MCTP1: variants seen among roughly 807,000 people sequenced by gnomAD.
The protein encoded by MCTP1 is multiple C2 and transmembrane domain-containing protein 1.
Under a neutral mutation model 120.6 loss-of-function variants are expected in MCTP1, and 69 were observed. The observed-to-expected ratio is 0.57, with a 90% confidence interval of 0.47 to 0.70. The LOEUF is 0.70. Ranked by LOEUF, MCTP1 falls within the 30% of genes least tolerant of loss-of-function variation. The pLI, the probability that MCTP1 is intolerant of heterozygous loss-of-function variation, is 0.00. For missense variants in MCTP1, 1,203 were observed against 1,248.8 expected (o/e 0.96, Z 0.55); for synonymous variants, 529 against 493.1 (o/e 1.07, Z -0.96).
At chr5:94,922,056 T>G (rs1002335407) in intron 7 of MCTP1, among the ~76,000 whole-genome samples, 1 of 152,210 alleles carries the variant, frequency 6.6e-6, no homozygotes, top group African/African-American at 2.4e-5. Flanking sequence ...ACTTTCCTCA[T>G]TGGTAAAACA....
At chr5:94,863,199 A>C (rs1229260571) in intron 17 of MCTP1, among the ~76,000 whole-genome samples, 2 of 151,834 alleles carry the variant, frequency 1.3e-5, no homozygotes, top group Non-Finnish European at 2.9e-5. Context: ...TGAATATGAC[A>C]GTAAGACCAC....
At chr5:94,851,645 T>C (rs1263306113) in intron 17 of MCTP1, among the ~76,000 whole-genome samples, 3 of 152,070 alleles carry the variant, frequency 2.0e-5, no homozygotes, top group South Asian at 2.1e-4. Context: ...CTTTTAATTA[T>C]ATTTTTGATA....
At chr5:94,978,753 G>A (rs1362054513) in intron 2 of MCTP1, among the ~76,000 whole-genome samples, 2 of 152,092 alleles carry the variant, frequency 1.3e-5, no homozygotes, top group Non-Finnish European at 2.9e-5. Flanking sequence ...AATTACACAA[G>A]ATGAATACGT....
At chr5:95,223,212 G>A (rs1753878905) in intron 1 of MCTP1, among the ~76,000 whole-genome samples, 1 of 152,126 alleles carries the variant, frequency 6.6e-6, no homozygotes, top group South Asian at 2.1e-4. Flanking sequence ...AACATTTTGG[G>A]AGGCCATGGT....
At chr5:95,011,613 A>ACTCT (rs141947399) in intron 2 of MCTP1, among the ~76,000 whole-genome samples, 8 of 150,100 alleles carry the variant, frequency 5.3e-5, no homozygotes, top group Admixed American at 4.6e-4. Context: ...TTCCTCCCTC[A>ACTCT]CTCTCTCTCT....
intron 19 of MCTP1, among the ~76,000 whole-genome samples, chr5:94,776,350 T>C (rs1775319827): frequency 6.6e-6 from 1 of 152,054 alleles, no homozygotes; most frequent in Non-Finnish European, 1.5e-5. Flanking sequence ...ATCTGCTAAG[T>C]GAAAACATAT....
intron 22 of MCTP1, among the ~76,000 whole-genome samples, chr5:94,708,009 C>T (rs1437262518): frequency 1.3e-5 from 2 of 150,638 alleles, no homozygotes; most frequent in Admixed American, 6.6e-5. Context: ...ATTTTGAAAA[C>T]AGCTGATGGT....
chr5:95,284,626 C>G lies in MCTP1; in HGVS notation c.-51G>C. ...CCTCCTCCTCCTCCTCCTCCTCCTG[C>G]TTCTCCTCCCTCTTCGGCTGCACCT... On this transcript the variant is annotated 5_prime_UTR_variant, in exon 1 of 23. Coordinates refer to ENST00000515393, the MANE Select transcript of MCTP1 (RefSeq NM_024717.7). The surrounding 1 kb of genome is among the most constrained non-coding windows in gnomAD (Gnocchi z 5.2). 7.5e-7 allele frequency: 1 copy of G among 1,332,446 alleles called. No individual in the cohort carries two copies. Among genetic ancestry groups the G allele is most frequent in the Non-Finnish European group, 9.7e-7 (1 of 1,030,090 alleles). 82.5% of individuals were successfully genotyped at this position (1,332,446 alleles called of 1,614,324 possible). A position where few individuals can be genotyped will look rare whatever the true frequency, so the allele number is the denominator to read the frequency against.
intron 1 of MCTP1, among the ~76,000 whole-genome samples, chr5:95,198,774 A>G (rs553999955): frequency 7.2e-5 from 11 of 152,214 alleles, no homozygotes; most frequent in Non-Finnish European, 1.3e-4. Context: ...TGGGTGTTTA[A>G]TAACTATTAA....
intron 19 of MCTP1, among the ~76,000 whole-genome samples, chr5:94,723,008 G>A (rs1761259861): frequency 6.6e-6 from 1 of 152,062 alleles, no homozygotes. Context: ...AGTGGATAAA[G>A]GCACAAAAAG....
intron 6 of MCTP1, among the ~76,000 whole-genome samples, chr5:94,925,175 A>C (rs537808694): frequency 2.6e-5 from 4 of 152,270 alleles, no homozygotes; most frequent in African/African-American, 9.6e-5. Context: ...CCTTCCTTTC[A>C]CTAGAGTCTA....
rs185761847 is a variant in MCTP1 at position 94,798,539 on chromosome 5, T to C, written c.2556+474A>G. On this transcript the variant is annotated intron_variant, in intron 18 of 22. Transcript: ENST00000515393. ...TTTACTGTTGTCCAGCGAACCTTCA[T>C]TGAACTAAGGTACTTTATATACATT... 3.6e-3 allele frequency among the ~76,000 whole-genome samples: 541 copies of C among 152,248 alleles called. 1 individual carries two copies. Among genetic ancestry groups the C allele is most frequent in the South Asian group, 3.9e-3 (19 of 4,822 alleles).
chr5:95,226,064 G>A (rs995574397), intron 1 of MCTP1, among the ~76,000 whole-genome samples: 2 of 151,848 alleles, frequency 1.3e-5, no homozygotes, highest in African/African-American at 4.8e-5. Flanking sequence ...GTTCTTTCGC[G>A]GTGACTTGTG....
chr5:95,047,899 A>G (rs1562073417), intron 1 of MCTP1, among the ~76,000 whole-genome samples: 1 of 152,222 alleles, frequency 6.6e-6, no homozygotes, highest in East Asian at 1.9e-4. Flanking sequence ...GGTGGCTCCT[A>G]CCCACTAGCT....
intron 1 of MCTP1, among the ~76,000 whole-genome samples, chr5:95,115,765 T>C (rs1178654795): frequency 6.6e-6 from 1 of 152,036 alleles, no homozygotes; most frequent in East Asian, 1.9e-4. Context: ...AGAAAGATAA[T>C]ATCTGAGTAC....
chr5:95,015,466 C>A (rs1383768206), intron 2 of MCTP1, among the ~76,000 whole-genome samples: 1 of 152,094 alleles, frequency 6.6e-6, no homozygotes, highest in Non-Finnish European at 1.5e-5. Context: ...CCCTTTTACC[C>A]CATTCCCATC....
intron 19 of MCTP1, among the ~76,000 whole-genome samples, chr5:94,725,815 A>G (rs1762011286): frequency 1.3e-5 from 2 of 152,338 alleles, no homozygotes; most frequent in Non-Finnish European, 2.9e-5. Context: ...CAATGGTTAT[A>G]AAATTAAATT....
At chr5:94,832,629 C>G (rs971852545) in intron 17 of MCTP1, among the ~76,000 whole-genome samples, 1 of 151,844 alleles carries the variant, frequency 6.6e-6, no homozygotes, top group Non-Finnish European at 1.5e-5. Context: ...CACACACACA[C>G]ACACACACAC....
intron 2 of MCTP1, among the ~76,000 whole-genome samples, chr5:94,986,389 T>A (rs1830420772): frequency 6.6e-6 from 1 of 152,220 alleles, no homozygotes; most frequent in Non-Finnish European, 1.5e-5. Flanking sequence ...GGACCTCTGC[T>A]AAATTTCAGT....
Sources: allele counts gnomAD v4.1 joint callset (sites outside exome capture counted in the v4.1 genomes callset), GRCh38; gene constraint gnomAD v4.1.1; non-coding constraint Gnocchi (gnomAD v3.1); transcripts MANE v1.5; gene names NCBI Gene and HGNC (gene_info 2026-07-23, HGNC 2026-07-21).